The following IL4I1 variants were observed in gnomAD, a reference collection of about 807,000 sequenced individuals.
IL4I1 encodes L-amino-acid oxidase.
IL4I1 carries 24 observed loss-of-function variants against 29.7 expected under a neutral mutation model. The observed-to-expected ratio is 0.81, with a 90% CI of 0.59 to 1.14. The LOEUF is 1.14. IL4I1 is among the 50% of genes most tolerant of loss of function. The pLI, the probability that IL4I1 is intolerant of heterozygous loss-of-function variation, is 0.00. For synonymous variants in IL4I1, 371 were observed against 352.5 expected, an observed-to-expected ratio of 1.05 and a Z score of -0.59; for missense variants, 686 against 785.6, an observed-to-expected ratio of 0.87 and a Z score of 1.52.
At chr19:49,914,124 G>A (rs1438949109) in intron 2 of IL4I1, among the ~76,000 whole-genome samples, 2 of 152,148 alleles carry the variant, frequency 1.3e-5, no homozygotes, top group African/African-American at 4.8e-5. Context: ...CAAGGCAGGA[G>A]GATTGCTTAA....
At chr19:49,892,826 T>C (rs2075156847) in intron 5 of IL4I1, among the ~76,000 whole-genome samples, 1 of 152,060 alleles carries the variant, frequency 6.6e-6, no homozygotes, top group African/African-American at 2.4e-5. Flanking sequence ...CATCCTGGTC[T>C]AGAAGGGGAG....
chr19:49,916,712 C>T (rs1330111351), intron 2 of IL4I1, among the ~76,000 whole-genome samples: 1 of 151,268 alleles, frequency 6.6e-6, no homozygotes, highest in Non-Finnish European at 1.5e-5. Flanking sequence ...TGCAGTAAGC[C>T]GAGATCACAC....
chr19:49,902,454 G>A (rs550346853), intron 3 of IL4I1, among the ~76,000 whole-genome samples: 1 of 150,976 alleles, frequency 6.6e-6, no homozygotes, highest in South Asian at 2.1e-4. Flanking sequence ...CCGGATGGCA[G>A]CCATTTCTTA....
chr19:49,909,978 T>C, intron 2 of IL4I1: 1 of 726,550 alleles, frequency 1.4e-6, no homozygotes. Context: ...GGTGGTGGGA[T>C]GGGATAATGA....
chr19:49,907,787 T>C (rs1422009046), intron 2 of IL4I1: 31 of 333,170 alleles, frequency 9.3e-5, no homozygotes, highest in Non-Finnish European at 1.7e-4. Flanking sequence ...CTGCCCGCCT[T>C]GGCCACCCAA....
chr19:49,923,712 C>T (rs191670541), intron 2 of IL4I1, among the ~76,000 whole-genome samples: 2 of 152,358 alleles, frequency 1.3e-5, no homozygotes, highest in East Asian at 3.9e-4. Flanking sequence ...TCAAAACCAC[C>T]GTCTGCAATG....
intron 2 of IL4I1, among the ~76,000 whole-genome samples, chr19:49,922,494 A>G (rs1170480314): frequency 1.3e-5 from 2 of 151,894 alleles, no homozygotes; most frequent in African/African-American, 2.4e-5. Flanking sequence ...CACTGCTTGT[A>G]AAGTCCAGCA....
intron 3 of IL4I1, 33 bp downstream of exon 3, chr19:49,895,782 G>A: frequency 1.2e-6 from 2 of 1,606,376 alleles, no homozygotes; most frequent in Non-Finnish European, 8.5e-7. Flanking sequence ...CAGCAGGAGG[G>A]ACTCCAGGTA....
intron 2 of IL4I1, among the ~76,000 whole-genome samples, chr19:49,919,613 G>A (rs1221081193): frequency 6.6e-6 from 1 of 152,128 alleles, no homozygotes; most frequent in Non-Finnish European, 1.5e-5. Context: ...GAAGTCACCT[G>A]ACGGCTAATT....
chr19:49,910,022 C>G, intron 2 of IL4I1: 1 of 638,380 alleles, frequency 1.6e-6, no homozygotes, highest in Non-Finnish European at 2.8e-6. Context: ...GGCTCTGCTA[C>G]ATCGAGAAGG....
intron 2 of IL4I1, among the ~76,000 whole-genome samples, chr19:49,926,066 A>C (rs746906465): frequency 6.6e-6 from 1 of 151,984 alleles, no homozygotes; most frequent in Non-Finnish European, 1.5e-5. Context: ...AAAATTAGCC[A>C]GGCATGATGG....
At chr19:49,910,429 C>T (rs748576163) in intron 2 of IL4I1, among the ~76,000 whole-genome samples, 32 of 152,118 alleles carry the variant, frequency 2.1e-4, no homozygotes, top group Non-Finnish European at 4.6e-4. Context: ...TCTCTAAGAG[C>T]AGGAGAGGAC....
chr19:49,925,197 G>C (rs999888891), intron 2 of IL4I1, among the ~76,000 whole-genome samples: 1 of 152,078 alleles, frequency 6.6e-6, no homozygotes, highest in African/African-American at 2.4e-5. Context: ...GGAGGCAGAG[G>C]TTGCGGTGAG....
intron 2 of IL4I1, among the ~76,000 whole-genome samples, chr19:49,904,692 A>ACGC (rs1159399994): frequency 1.3e-5 from 2 of 151,700 alleles, no homozygotes; most frequent in African/African-American, 4.8e-5. Flanking sequence ...ACCCACCACC[A>ACGC]CGCCGGGCTA....
chr19:49,918,895 T>TGGGGGGGGGGG (rs56129490), intron 2 of IL4I1, among the ~76,000 whole-genome samples: 33 of 72,328 alleles, frequency 4.6e-4, no homozygotes, highest in Admixed American at 1.0e-3. Context: ...TTTGGGAGGC[T>TGGGGGGGGGGG]GGGGGGGGGG....
intron 3 of IL4I1, 70 bp downstream of exon 3, chr19:49,895,745 G>A: frequency 2.9e-6 from 4 of 1,384,862 alleles, no homozygotes; most frequent in Non-Finnish European, 3.1e-6. Flanking sequence ...ACGCGGCCGT[G>A]TCCCTGTGCC....
chr19:49,893,870 C>T (rs1404818310), intron 5 of IL4I1, among the ~76,000 whole-genome samples: 1 of 151,532 alleles, frequency 6.6e-6, no homozygotes, highest in African/African-American at 2.4e-5. Context: ...GCCTGTAATC[C>T]CAGCTACTCG....
At chr19:49,909,860 G>C in intron 2 of IL4I1, 2 of 1,573,212 alleles carry the variant, frequency 1.3e-6, no homozygotes, top group East Asian at 2.2e-5. Context: ...CAAATCCGTC[G>C]GTGTCTGCAG....
upstream of IL4I1, chr19:49,901,631 G>C (rs1185444345): frequency 1.3e-6 from 2 of 1,500,726 alleles, no homozygotes; most frequent in Admixed American, 4.5e-5. Context: ...CCGGGTGGGG[G>C]CACTCACTGC....
Sources: gnomAD v4.1 joint callset for allele counts (sites outside exome capture counted in the v4.1 genomes callset) on GRCh38, gnomAD v4.1.1 for gene constraint, MANE v1.5 for transcripts, NCBI Gene and HGNC (gene_info 2026-07-23, HGNC 2026-07-21) for gene names.